Variants in BTF3 observed in about 807,000 individuals in gnomAD.
BTF3 encodes the protein basic transcription factor 3.
BTF3 carries 12 observed loss-of-function variants against 23.9 expected under a neutral mutation model. That is an observed-to-expected ratio of 0.50 (90% CI 0.32 to 0.81). The LOEUF (loss-of-function observed/expected upper bound fraction) is 0.81. Among genes scored for constraint, BTF3 ranks in the 40% least tolerant of loss-of-function variants. BTF3 has a pLI of 0.03. For synonymous variants in BTF3, 96 were observed against 94.8 expected, an observed-to-expected ratio of 1.01 and a Z score of -0.07; for missense variants, 215 against 255.9, an observed-to-expected ratio of 0.84 and a Z score of 1.09.
At chr5:73,502,184 A>G (rs1438854180) in intron 2 of BTF3, among the ~76,000 whole-genome samples, 11 of 151,120 alleles carry the variant, frequency 7.3e-5, no homozygotes, top group Non-Finnish European at 2.9e-5. Flanking sequence ...AAAAAACAGA[A>G]GAGGTTAATA....
At chr5:73,503,896 CAG>C (rs542088618) in intron 4 of BTF3, among the ~76,000 whole-genome samples, 138 of 152,302 alleles carry the variant, frequency 9.1e-4, no homozygotes, top group African/African-American at 3.2e-3. Context: ...TTACCACTCA[CAG>C]ACTCTTTAAT....
intron 3 of BTF3, 108 bp downstream of exon 3, chr5:73,502,709 G>A: frequency 2.4e-6 from 2 of 849,156 alleles, no homozygotes. Flanking sequence ...GGACTTCAAA[G>A]TCCCTAAGAT....
chr5:73,500,812 C>T (rs1230228816), intron 2 of BTF3, among the ~76,000 whole-genome samples: 1 of 152,054 alleles, frequency 6.6e-6, no homozygotes, highest in Non-Finnish European at 1.5e-5. Context: ...TTTGTCTTTA[C>T]AATCTTAGAA....
At chr5:73,504,755 G>A (rs904759508) in intron 5 of BTF3, 1 of 211,828 alleles carries the variant, frequency 4.7e-6, no homozygotes, top group Admixed American at 5.6e-5. Context: ...AGTTGTTCAG[G>A]TATCTTGGGA....
intron 3 of BTF3, 55 bp from the exon 4 acceptor site, chr5:73,502,861 T>C: frequency 1.9e-6 from 3 of 1,547,636 alleles, no homozygotes; most frequent in Non-Finnish European, 2.7e-6. Flanking sequence ...ATAAAACATT[T>C]GTTTTTAAAG....
At chr5:73,499,400 T>C in intron 2 of BTF3, 198 bp downstream of exon 2, 1 of 686,720 alleles carries the variant, frequency 1.5e-6, no homozygotes, top group Non-Finnish European at 2.6e-6. Context: ...AAACATCGCC[T>C]TTGTGTAAAC....
At chr5:73,504,264 G>GTTTTTTT (rs1746503271) in intron 4 of BTF3, 83 bp from the exon 5 acceptor site, 1 of 405,984 alleles carries the variant, frequency 2.5e-6, no homozygotes, top group African/African-American at 4.8e-5. Flanking sequence ...CATTTCATCT[G>GTTTTTTT]TTCTTTTTTT....
chr5:73,503,150 T>G (rs1746479833), intron 4 of BTF3, 33 bp downstream of exon 4: 9 of 1,600,614 alleles, frequency 5.6e-6, no homozygotes, highest in Non-Finnish European at 7.7e-6. Context: ...TACCAGGGAA[T>G]TACTCATTTA....
intron 5 of BTF3, 69 bp from the exon 6 acceptor site, chr5:73,505,123 C>A: frequency 7.7e-7 from 1 of 1,293,242 alleles, no homozygotes. Flanking sequence ...CCTTCATCCC[C>A]TTTTAATATC....
Position 73,499,278 on chromosome 5 carries a change from C to G in BTF3, c.201+76C>G, listed in dbSNP as rs762317966. On this transcript the variant is annotated intron_variant, in intron 2 of 5. Transcript: ENST00000380591. Reference sequence around the variant, plus strand: ...TTTTAAAAAACATATTCCTTTTGCGCTTCTTATATTATCGGTGACAAACTT... The same window carrying G: ...TTTTAAAAAACATATTCCTTTTGCGGTTCTTATATTATCGGTGACAAACTT... The G allele has an allele frequency of 2.0e-6, 3 of 1,474,590 alleles. No homozygotes were observed. The African/African-American group carries it at 4.2e-5, about 21-fold the overall frequency. The allele number at this position is 1,474,590 out of a possible 1,614,324, so 91.3% of individuals were successfully genotyped here. A position where few individuals can be genotyped will look rare whatever the true frequency, so the allele number is the denominator to read the frequency against.
rs934527099 is a variant in BTF3 at position 73,498,856 on chromosome 5, C to T, written c.132+57C>T. The T allele has an allele frequency of 4.4e-4, 652 of 1,493,370 alleles. 5 individuals are homozygous for T. Among genetic ancestry groups the T allele is most frequent in the Non-Finnish European group, 8.3e-5 (94 of 1,135,316 alleles). 92.5% of individuals were successfully genotyped at this position (1,493,370 alleles called of 1,614,324 possible). ...CGGGCAGGCCCTGGCTAGGCCGAGG[C>T]CAGGCCAGGGCCAGGGGTGGGGGGT... On this transcript the variant is annotated intron_variant, in intron 1 of 5. Coordinates refer to ENST00000380591, the MANE Select transcript of BTF3 (RefSeq NM_001037637.2).
chr5:73,498,444 C>G lies in BTF3; in HGVS notation c.-224C>G, dbSNP rs1338711060. On this transcript the variant is annotated 5_prime_UTR_variant, in exon 1 of 6. Coordinates refer to ENST00000380591, the MANE Select transcript of BTF3 (RefSeq NM_001037637.2). ...TGGCCTTGTGTCACTTCCGGCCTCC[C>G]TTTAGCTGCCATCTTGCGTCCCCGC... 7 of 531,088 alleles carry G rather than the reference C, an allele frequency of 1.3e-5. No individual in the cohort carries two copies. In the East Asian group the frequency reaches 1.4e-4, roughly 11 times the overall value. 32.9% of individuals were successfully genotyped at this position (531,088 alleles called of 1,614,324 possible).
At position 73,498,655 on chromosome 5, in the gene BTF3, G is replaced by C; in HGVS notation, c.-13G>C. 6.7e-7 allele frequency: 1 copy of C among 1,503,082 alleles called. No homozygotes were observed. 93.1% of individuals were successfully genotyped at this position (1,503,082 alleles called of 1,614,324 possible). A position where few individuals can be genotyped will look rare whatever the true frequency, so the allele number is the denominator to read the frequency against. ...AGACAGGGAGGGACAGGGCAGAGGAGGAGAGGAAGGCGATGCGACGGACAG... is the reference window on the plus strand; with the variant it reads ...AGACAGGGAGGGACAGGGCAGAGGACGAGAGGAAGGCGATGCGACGGACAG... On this transcript the variant is annotated 5_prime_UTR_variant, in exon 1 of 6. Coordinates refer to ENST00000380591, the MANE Select transcript of BTF3 (RefSeq NM_001037637.2).
chr5:73,504,617 G>A (rs1174094634), intron 5 of BTF3: 8 of 398,920 alleles, frequency 2.0e-5, no homozygotes, highest in Non-Finnish European at 3.1e-5. Flanking sequence ...AGGATGTGTA[G>A]GTATCTAACC....
intron 1 of BTF3, 65 bp from the exon 2 acceptor site, chr5:73,499,069 A>G (rs1223276535): frequency 1.3e-6 from 2 of 1,490,124 alleles, no homozygotes; most frequent in Non-Finnish European, 1.8e-6. Flanking sequence ...ATCTTGGGAA[A>G]TAACGAGCAT....
At chr5:73,499,250 G>A (rs1186873267) in intron 2 of BTF3, 48 bp downstream of exon 2, 4 of 1,579,858 alleles carry the variant, frequency 2.5e-6, no homozygotes, top group Admixed American at 3.3e-5. Flanking sequence ...TAAGGTTTAG[G>A]TATTTTAAAA....
At chr5:73,499,655 C>CG (rs1462046487) in intron 2 of BTF3, 1 of 234,122 alleles carries the variant, frequency 4.3e-6, no homozygotes, top group East Asian at 1.1e-4. Flanking sequence ...TTTGAAGATA[C>CG]GGGTACATTT....
rs987239862 is a variant in BTF3, at chr5:73,505,333, C to T, written c.*95C>T. 2.5e-5 allele frequency: 27 copies of T among 1,088,916 alleles called. No individual in the cohort carries two copies. The highest frequency in any genetic ancestry group is 3.3e-5 in the Non-Finnish European group (25 of 748,368). 67.5% of individuals were successfully genotyped at this position (1,088,916 alleles called of 1,614,324 possible). A position where few individuals can be genotyped will look rare whatever the true frequency, so the allele number is the denominator to read the frequency against. On this transcript the variant is annotated 3_prime_UTR_variant, in exon 6 of 6. Transcript: ENST00000380591. ...TTTTAAGAAATTTTTGTTTATGGAT[C>T]TGATAAAATCTAGATCTCTAATATT...
intron 5 of BTF3, 105 bp from the exon 6 acceptor site, chr5:73,505,087 A>T (rs1424351093): frequency 7.9e-6 from 7 of 886,532 alleles, no homozygotes; most frequent in Non-Finnish European, 1.2e-5. Flanking sequence ...CACAGTATTT[A>T]TCATCATTGG....
Sources: allele counts gnomAD v4.1 joint callset (sites outside exome capture counted in the v4.1 genomes callset), GRCh38; gene constraint gnomAD v4.1.1; transcripts MANE v1.5; gene names NCBI Gene and HGNC (gene_info 2026-07-23, HGNC 2026-07-21).